The following SAMD12 variants were observed in gnomAD, a reference collection of about 807,000 sequenced individuals.
The protein encoded by SAMD12 is sterile alpha motif domain-containing protein 12.
SAMD12 carries 9 observed loss-of-function variants against 15.0 expected under a neutral mutation model. That is an observed-to-expected ratio of 0.60 (90% CI 0.36 to 1.05). The LOEUF is 1.05. SAMD12 is among the 50% of genes least tolerant of loss of function. The pLI is 0.01. For synonymous variants in SAMD12, 86 were observed against 90.1 expected (o/e 0.96, Z 0.25); for missense variants, 230 against 234.2 (o/e 0.98, Z 0.12).
intron 4 of SAMD12, among the ~76,000 whole-genome samples, chr8:118,353,018 C>T (rs151005787): frequency 1.3e-5 from 2 of 152,066 alleles, no homozygotes; most frequent in African/African-American, 4.8e-5. Context: ...ATAAAAATCA[C>T]GTTAAACCAC....
At chr8:118,422,223 C>A (rs1822029747) in intron 3 of SAMD12, among the ~76,000 whole-genome samples, 1 of 152,222 alleles carries the variant, frequency 6.6e-6, no homozygotes, top group Admixed American at 6.5e-5. Flanking sequence ...ACTGGGTTAA[C>A]ACAGCTAGAG....
chr8:118,458,205 T>C (rs1229126791), intron 2 of SAMD12, among the ~76,000 whole-genome samples: 1 of 152,240 alleles, frequency 6.6e-6, no homozygotes, highest in Non-Finnish European at 1.5e-5. Flanking sequence ...CACATTTTCA[T>C]CCTTTCTAGC....
chr8:118,176,649 C>T, the SAMD12 span, among the ~76,000 whole-genome samples: 1 of 152,054 alleles, frequency 6.6e-6, no homozygotes, highest in Non-Finnish European at 1.5e-5. Flanking sequence ...AACATGAAGT[C>T]TATTTGAGGA....
chr8:118,458,952 G>A (rs200333406), intron 2 of SAMD12, among the ~76,000 whole-genome samples: 4 of 3,790 alleles, frequency 1.1e-3, no homozygotes, highest in African/African-American at 1.7e-3. Context: ...AGCTATATAT[G>A]TGTGTGTGTG....
chr8:118,563,902 C>T (rs1430007955), intron 2 of SAMD12, among the ~76,000 whole-genome samples: 1 of 152,222 alleles, frequency 6.6e-6, no homozygotes, highest in African/African-American at 2.4e-5. Context: ...CCACAGGGTG[C>T]CATCCTCAAC....
the SAMD12 span, among the ~76,000 whole-genome samples, chr8:118,136,729 T>G: frequency 1.3e-5 from 2 of 152,190 alleles, no homozygotes; most frequent in Admixed American, 1.3e-4. Context: ...GGCTGAGCTG[T>G]AGATGTGGAA....
intron 2 of SAMD12, among the ~76,000 whole-genome samples, chr8:118,515,377 C>T (rs1027332813): frequency 5.3e-5 from 8 of 151,984 alleles, no homozygotes; most frequent in African/African-American, 1.7e-4. Context: ...TCCACTTCAC[C>T]TTCTGCCACG....
chr8:118,416,079 T>C (rs985152397), intron 3 of SAMD12, among the ~76,000 whole-genome samples: 7 of 152,066 alleles, frequency 4.6e-5, no homozygotes, highest in African/African-American at 1.4e-4. Flanking sequence ...AAAAGGAGAA[T>C]AGGGTTTTCT....
At chr8:118,259,769 GA>G (rs911523549) in intron 4 of SAMD12, among the ~76,000 whole-genome samples, 16 of 151,990 alleles carry the variant, frequency 1.1e-4, no homozygotes, top group Non-Finnish European at 4.4e-5. Flanking sequence ...TGTTTCCAGT[GA>G]AAAAGAGATG....
chr8:118,359,257 G>C (rs570717655), intron 4 of SAMD12, among the ~76,000 whole-genome samples: 1 of 152,274 alleles, frequency 6.6e-6, no homozygotes, highest in East Asian at 1.9e-4. Flanking sequence ...ACCATGTGAA[G>C]ACACAGGGTT....
intron 4 of SAMD12, among the ~76,000 whole-genome samples, chr8:118,235,324 C>T (rs1004532170): frequency 6.6e-6 from 1 of 152,036 alleles, no homozygotes; most frequent in Non-Finnish European, 1.5e-5. Context: ...GATTCTCCTG[C>T]CTCAGCCTCT....
intron 4 of SAMD12, among the ~76,000 whole-genome samples, chr8:118,323,132 G>T (rs904057344): frequency 5.3e-5 from 8 of 152,288 alleles, no homozygotes; most frequent in Middle Eastern, 3.4e-3. Flanking sequence ...TGTCAGACTG[G>T]AGTCCTAAAT....
At chr8:118,146,934 TA>T in the SAMD12 span, among the ~76,000 whole-genome samples, 1 of 152,244 alleles carries the variant, frequency 6.6e-6, no homozygotes, top group Non-Finnish European at 1.5e-5. Flanking sequence ...TAATGATGGC[TA>T]AACTCTAATT....
chr8:118,597,922 T>C (rs116149208), intron 1 of SAMD12, among the ~76,000 whole-genome samples: 1 of 152,232 alleles, frequency 6.6e-6, no homozygotes, highest in Non-Finnish European at 1.5e-5. Flanking sequence ...GCCAGTTTCA[T>C]AATCCTCACA....
At chr8:118,364,787 C>A (rs899580230) in intron 4 of SAMD12, among the ~76,000 whole-genome samples, 3 of 152,112 alleles carry the variant, frequency 2.0e-5, no homozygotes, top group African/African-American at 7.2e-5. Context: ...AAGGATGAAT[C>A]TTTACAACCC....
chr8:118,512,090 G>T (rs1825106484), intron 2 of SAMD12, among the ~76,000 whole-genome samples: 1 of 151,986 alleles, frequency 6.6e-6, no homozygotes, highest in Non-Finnish European at 1.5e-5. Flanking sequence ...TCCTCATTTG[G>T]AAATAGGATC....
At chr8:118,320,674 G>GA (rs537054302) in intron 4 of SAMD12, among the ~76,000 whole-genome samples, 2,307 of 148,208 alleles carry the variant, frequency 0.016, 50 homozygotes, top group South Asian at 0.038. Context: ...TCGTGGGGTG[G>GA]GGGGGGTGGG....
At chr8:118,356,438 G>T (rs1175545960) in intron 4 of SAMD12, among the ~76,000 whole-genome samples, 1 of 152,040 alleles carries the variant, frequency 6.6e-6, no homozygotes, top group Non-Finnish European at 1.5e-5. Context: ...ATATTCATGC[G>T]AACAAACCTT....
chr8:118,133,026 A>ATC, the SAMD12 span, among the ~76,000 whole-genome samples: 1 of 102,466 alleles, frequency 9.8e-6, no homozygotes, highest in East Asian at 3.0e-4. Flanking sequence ...ATATATATAT[A>ATC]TCTTATTACT....
Sources: gnomAD v4.1 joint callset for allele counts (sites outside exome capture counted in the v4.1 genomes callset) on GRCh38, gnomAD v4.1.1 for gene constraint, MANE v1.5 for transcripts, NCBI Gene and HGNC (gene_info 2026-07-23, HGNC 2026-07-21) for gene names.